The following DAB1 variants were observed in gnomAD, a reference collection of about 807,000 sequenced individuals.
DAB1 encodes disabled homolog 1.
In DAB1, 15 loss-of-function variants were observed where a neutral mutation model predicts 64.6. The ratio of observed to expected loss-of-function variants is 0.23; its 90% CI spans 0.16 to 0.36. The LOEUF is 0.36. Ranked by LOEUF, DAB1 falls within the 10% of genes least tolerant of loss-of-function variation. The pLI is 1.00. For missense variants in DAB1, 596 were observed against 706.7 expected (o/e 0.84, Z 1.78); for synonymous variants, 235 against 251.9 (o/e 0.93, Z 0.64).
At chr1:58,187,119 G>T (rs72667941) in intron 4 of DAB1, among the ~76,000 whole-genome samples, 4,915 of 152,180 alleles carry the variant, frequency 0.032, 108 homozygotes, top group Middle Eastern at 0.054. Context: ...AAGCTGTCCT[G>T]CGTCCCAAAC....
At chr1:57,661,513 ATC>A (rs1338054383) in intron 6 of DAB1, among the ~76,000 whole-genome samples, 1 of 152,154 alleles carries the variant, frequency 6.6e-6, no homozygotes, top group Non-Finnish European at 1.5e-5. Flanking sequence ...GGGTCTTTGA[ATC>A]TCTCTTGTGC....
chr1:57,623,415 T>C (rs1261053539), intron 7 of DAB1, among the ~76,000 whole-genome samples: 1 of 152,158 alleles, frequency 6.6e-6, no homozygotes, highest in East Asian at 1.9e-4. Context: ...GCGTTAATTA[T>C]CATCACCTTC....
intron 4 of DAB1, chr1:58,228,989 GC>G: frequency 2.3e-6 from 1 of 434,672 alleles, no homozygotes; most frequent in Middle Eastern, 5.6e-4. Context: ...CCAGCCCGAA[GC>G]CCCTGTCCCA....
intron 4 of DAB1, among the ~76,000 whole-genome samples, chr1:58,318,147 T>C (rs1557730039): frequency 6.6e-6 from 1 of 152,140 alleles, no homozygotes; most frequent in Non-Finnish European, 1.5e-5. Context: ...CCAGAGGAGA[T>C]TTAAGAGATG....
At chr1:57,483,738 G>A (rs1644053637) in intron 7 of DAB1, among the ~76,000 whole-genome samples, 1 of 152,034 alleles carries the variant, frequency 6.6e-6, no homozygotes, top group Admixed American at 6.6e-5. Flanking sequence ...CCTGCTTCCA[G>A]TTCTGACTCC....
chr1:57,567,367 A>G (rs1645135950), intron 7 of DAB1, among the ~76,000 whole-genome samples: 1 of 152,160 alleles, frequency 6.6e-6, no homozygotes. Context: ...AAACTGGCAC[A>G]AGACAGGGAT....
intron 2 of DAB1, among the ~76,000 whole-genome samples, chr1:57,180,746 A>G (rs1426729767): frequency 2.0e-5 from 3 of 152,166 alleles, no homozygotes; most frequent in African/African-American, 4.8e-5. Context: ...ATTTACTCCC[A>G]TGGAAAAACA....
At chr1:58,314,326 C>T (rs1662501576) in intron 4 of DAB1, among the ~76,000 whole-genome samples, 1 of 152,136 alleles carries the variant, frequency 6.6e-6, no homozygotes, top group African/African-American at 2.4e-5. Flanking sequence ...GTTCTATGGC[C>T]TTGACAACTT....
At chr1:57,298,506 A>T (rs1167367241) in intron 1 of DAB1, among the ~76,000 whole-genome samples, 1 of 152,144 alleles carries the variant, frequency 6.6e-6, no homozygotes, top group Non-Finnish European at 1.5e-5. Flanking sequence ...CTTGGTATGG[A>T]TCCAATCAAA....
intron 3 of DAB1, chr1:58,506,052 C>G (rs775733578): frequency 1.2e-6 from 1 of 859,690 alleles, no homozygotes; most frequent in Admixed American, 1.7e-5. Context: ...TCTACGGTGT[C>G]AGCTCACCTG....
At chr1:57,045,488 A>G (rs1249768465) in intron 9 of DAB1, among the ~76,000 whole-genome samples, 2 of 152,330 alleles carry the variant, frequency 1.3e-5, no homozygotes, top group African/African-American at 4.8e-5. Flanking sequence ...ACTTGAGGTC[A>G]GCAGTTTGAG....
At chr1:57,615,028 C>T (rs1373600537) in intron 7 of DAB1, among the ~76,000 whole-genome samples, 3 of 151,900 alleles carry the variant, frequency 2.0e-5, no homozygotes, top group East Asian at 3.9e-4. Flanking sequence ...CACCACCGCG[C>T]CTGGCTAATT....
intron 1 of DAB1, chr1:58,536,582 T>C (rs191409939): frequency 3.4e-6 from 3 of 872,894 alleles, no homozygotes; most frequent in East Asian, 4.8e-5. Context: ...TGCTCCTTCC[T>C]GTGATTGGAC....
chr1:58,059,920 G>A (rs923073361), intron 5 of DAB1, among the ~76,000 whole-genome samples: 4 of 152,326 alleles, frequency 2.6e-5, no homozygotes, highest in East Asian at 3.9e-4. Context: ...GCTAGGCAAC[G>A]ATCACAGCAC....
At chr1:57,906,992 G>T (rs1389477727) in intron 5 of DAB1, among the ~76,000 whole-genome samples, 1 of 151,344 alleles carries the variant, frequency 6.6e-6, no homozygotes, top group Non-Finnish European at 1.5e-5. Context: ...AGATAGATTT[G>T]CTAAGCAAAG....
At chr1:58,259,329 G>A (rs1268452532) in intron 4 of DAB1, among the ~76,000 whole-genome samples, 1 of 144,838 alleles carries the variant, frequency 6.9e-6, no homozygotes, top group Non-Finnish European at 1.6e-5. Flanking sequence ...GGAAGTTTGG[G>A]ACATTCTGCC....
chr1:57,777,400 C>CT (rs1423662797), intron 6 of DAB1, among the ~76,000 whole-genome samples: 31 of 151,268 alleles, frequency 2.0e-4, no homozygotes, highest in Admixed American at 7.3e-4. Context: ...TGTTTTCTTT[C>CT]TTTCCTTCTG....
At chr1:58,513,718 AC>A (rs1237529738) in intron 2 of DAB1, among the ~76,000 whole-genome samples, 1 of 152,220 alleles carries the variant, frequency 6.6e-6, no homozygotes, top group East Asian at 1.9e-4. Flanking sequence ...ATATGACACC[AC>A]ATGCCAGGCA....
At chr1:58,052,342 A>G (rs1188230555) in intron 5 of DAB1, among the ~76,000 whole-genome samples, 1 of 152,174 alleles carries the variant, frequency 6.6e-6, no homozygotes, top group Non-Finnish European at 1.5e-5. Context: ...TTTGTCAAAG[A>G]TCAGATGGTT....
Sources: allele counts gnomAD v4.1 joint callset (sites outside exome capture counted in the v4.1 genomes callset), GRCh38; gene constraint gnomAD v4.1.1; transcripts MANE v1.5; gene names NCBI Gene and HGNC (gene_info 2026-07-23, HGNC 2026-07-21).